The following ADARB2 variants were observed in gnomAD, a reference collection of about 807,000 sequenced individuals.
ADARB2 encodes the protein adenosine deaminase RNA specific B2 (inactive).
In ADARB2, 25 loss-of-function variants were observed where a neutral mutation model predicts 62.2. The ratio of observed to expected loss-of-function variants is 0.40; its 90% confidence interval spans 0.29 to 0.56. ADARB2 has a LOEUF of 0.56. ADARB2 is among the 20% of genes least tolerant of loss of function. ADARB2 has a pLI of 0.43. For missense variants in ADARB2, 1,071 were observed against 1,077.4 expected (o/e 0.99, Z 0.08); for synonymous variants, 572 against 500.8 (o/e 1.14, Z -1.90).
At chr10:1,635,036 CA>C (rs1833902736) in intron 1 of ADARB2, among the ~76,000 whole-genome samples, 2 of 152,248 alleles carry the variant, frequency 1.3e-5, no homozygotes, top group South Asian at 4.2e-4. Context: ...TCTCTGGATC[CA>C]ATACATATTA....
intron 1 of ADARB2, among the ~76,000 whole-genome samples, chr10:1,641,853 A>G (rs1212107640): frequency 6.6e-6 from 1 of 152,148 alleles, no homozygotes; most frequent in African/African-American, 2.4e-5. Flanking sequence ...TCTCTACTAA[A>G]AATACAAAAA....
At chr10:1,525,229 TGTAACAC>T (rs1182511690) in intron 1 of ADARB2, among the ~76,000 whole-genome samples, 1 of 152,178 alleles carries the variant, frequency 6.6e-6, no homozygotes, top group Non-Finnish European at 1.5e-5. Flanking sequence ...TGGTTCTACT[TGTAACAC>T]GTGCATATGA....
intron 1 of ADARB2, among the ~76,000 whole-genome samples, chr10:1,411,340 C>T (rs185432993): frequency 3.3e-4 from 50 of 152,306 alleles, no homozygotes; most frequent in African/African-American, 9.9e-4. Flanking sequence ...CCGGAGGCTC[C>T]GTCGTTAGCC....
At chr10:1,717,873 C>T (rs1433732961) in intron 1 of ADARB2, among the ~76,000 whole-genome samples, 1 of 152,178 alleles carries the variant, frequency 6.6e-6, no homozygotes, top group Non-Finnish European at 1.5e-5. Context: ...CCCCCACACC[C>T]AGACACCAGT....
At chr10:1,449,936 G>A (rs1385246407) in intron 1 of ADARB2, among the ~76,000 whole-genome samples, 1 of 152,228 alleles carries the variant, frequency 6.6e-6, no homozygotes, top group Admixed American at 6.5e-5. Flanking sequence ...TGGAGGAGAG[G>A]CCTGCACAGT....
rs1428120046 is a variant in ADARB2, at chr10:1,676,728, A to G, written c.100+60323T>C. Among the ~76,000 whole-genome samples the G allele has an allele frequency of 2.6e-5, 4 of 152,298 alleles. No individual in the cohort carries two copies. The East Asian group carries it at 7.7e-4, about 29-fold the overall frequency. ...AGAGGGTCTTAGAAATATTTAGGTGATTGTTTAAAAACTTCCAAAGACCCT... is the reference window on the plus strand; with the variant it reads ...AGAGGGTCTTAGAAATATTTAGGTGGTTGTTTAAAAACTTCCAAAGACCCT... On this transcript the variant is annotated intron_variant, in intron 1 of 9. Transcript: ENST00000381312.
rs1832633863 is a variant in ADARB2 at position 1,398,342 on chromosome 10, G to A, written c.101-19182C>T. Among the ~76,000 whole-genome samples, 1 of 152,264 alleles carries A rather than the reference G, an allele frequency of 6.6e-6. No homozygotes were observed. The highest frequency in any genetic ancestry group is 2.1e-4 in the South Asian group (1 of 4,830). On this transcript the variant is annotated intron_variant, in intron 1 of 9. Coordinates refer to ENST00000381312, the MANE Select transcript of ADARB2 (RefSeq NM_018702.4). This position sits in a 1 kb window ranked among gnomAD's most constrained non-coding sequence, Gnocchi z 4.1. ...AGGGCGCAGGAAGCTGCCCAGCACAGGCAGTGGCACTGACACGGGGTGAAA... is the reference window on the plus strand; with the variant it reads ...AGGGCGCAGGAAGCTGCCCAGCACAAGCAGTGGCACTGACACGGGGTGAAA...
At chr10:1,199,885 A>G in intron 8 of ADARB2, 81 bp downstream of exon 8, 1 of 1,375,316 alleles carries the variant, frequency 7.3e-7, no homozygotes, top group Non-Finnish European at 9.6e-7. Context: ...GAAGTCTGCG[A>G]GGGATGGCAC....
chr10:1,421,319 G>C (rs189536137), intron 1 of ADARB2, among the ~76,000 whole-genome samples: 1 of 151,760 alleles, frequency 6.6e-6, no homozygotes, highest in African/African-American at 2.4e-5. Context: ...CCCCACCCAC[G>C]CTCAGCTGTG....
chr10:1,463,592 A>G (rs534977353), intron 1 of ADARB2, among the ~76,000 whole-genome samples: 1 of 152,310 alleles, frequency 6.6e-6, no homozygotes, highest in South Asian at 2.1e-4. Context: ...CAAAAGCTCT[A>G]TTTTATTTTT....
chr10:1,511,750 A>G lies in ADARB2; in HGVS notation c.101-132590T>C, dbSNP rs528703503. On this transcript the variant is annotated intron_variant, in intron 1 of 9. Transcript: ENST00000381312. ...TACTGTCTACACTGGATACCAAGACATGGATGCTGTCTACATTGCATACCA... is the reference window on the plus strand; with the variant it reads ...TACTGTCTACACTGGATACCAAGACGTGGATGCTGTCTACATTGCATACCA... 2.2e-3 allele frequency among the ~76,000 whole-genome samples: 338 copies of G among 151,950 alleles called. 1 individual carries two copies. Among genetic ancestry groups the G allele is most frequent in the Non-Finnish European group, 4.2e-3 (283 of 67,954 alleles).
At chr10:1,265,934 C>A (rs1287003746) in intron 4 of ADARB2, among the ~76,000 whole-genome samples, 1 of 122,512 alleles carries the variant, frequency 8.2e-6, no homozygotes, top group Non-Finnish European at 1.8e-5. Context: ...CACGCTCCCC[C>A]GGAAGACGGC....
intron 3 of ADARB2, among the ~76,000 whole-genome samples, chr10:1,310,599 T>G (rs1401083327): frequency 6.6e-6 from 1 of 152,234 alleles, no homozygotes; most frequent in Non-Finnish European, 1.5e-5. Context: ...TGCTGGGCAC[T>G]GTTGCAGGCA....
At chr10:1,557,400 G>A (rs1192174565) in intron 1 of ADARB2, among the ~76,000 whole-genome samples, 2 of 152,086 alleles carry the variant, frequency 1.3e-5, no homozygotes, top group African/African-American at 2.4e-5. Context: ...GGAGGGAAAC[G>A]GCAAACCCTG....
At position 1,184,968 on chromosome 10, in the gene ADARB2, C is replaced by T. The variant is rs146024921; in HGVS notation, c.1936G>A (p.Ala646Thr). 1.5e-5 allele frequency: 25 copies of T among 1,613,738 alleles called. No individual in the cohort carries two copies. Among genetic ancestry groups the T allele is most frequent in the African/African-American group, 5.3e-5 (4 of 74,950 alleles). The change falls in exon 9 of 10, where the codon GCG becomes ACG. Residue 646 changes from alanine (A) to threonine (T), a missense_variant. By Grantham distance (58) the Ala-to-Thr change is moderately conservative. Transcript: ENST00000381312. ...GTGGCGTTGATAATCTCCAGGTCCG[C>T]GCTGCCCACGACCCAGTTCATGCTG... ...PFSMNWVVGS[A>T]DLEIINATTG...
chr10:1,524,059 A>AAGAT (rs34113585), intron 1 of ADARB2, among the ~76,000 whole-genome samples: 44,983 of 134,610 alleles, frequency 0.33, 6,676 homozygotes, highest in East Asian at 0.36. Flanking sequence ...TGGGGATATG[A>AAGAT]AGATAGATAG....
chr10:1,235,644 G>T (rs71494947), intron 5 of ADARB2, among the ~76,000 whole-genome samples: 2 of 21,140 alleles, frequency 9.5e-5, no homozygotes, highest in South Asian at 1.8e-3. Flanking sequence ...ACTCCCCTCT[G>T]CCTCCCGGTG....
chr10:1,473,624 C>T (rs566470796), intron 1 of ADARB2, among the ~76,000 whole-genome samples: 1 of 152,298 alleles, frequency 6.6e-6, no homozygotes, highest in South Asian at 2.1e-4. Context: ...TCAAGCTATC[C>T]ACCTGCCTTG....
chr10:1,707,531 T>A (rs1010402888), intron 1 of ADARB2, among the ~76,000 whole-genome samples: 18 of 152,220 alleles, frequency 1.2e-4, no homozygotes, highest in African/African-American at 4.3e-4. Flanking sequence ...ATTAATCTTG[T>A]TACTTGATGA....
Sources: allele counts gnomAD v4.1 joint callset (sites outside exome capture counted in the v4.1 genomes callset), GRCh38; gene constraint gnomAD v4.1.1; non-coding constraint Gnocchi (gnomAD v3.1); transcripts MANE v1.5; gene names NCBI Gene and HGNC (gene_info 2026-07-23, HGNC 2026-07-21).